The following LIPC variants were observed in gnomAD, a reference collection of about 807,000 sequenced individuals.
LIPC encodes the protein hepatic triacylglycerol lipase.
Under a neutral mutation model 50.7 loss-of-function variants are expected in LIPC, and 44 were observed. The ratio of observed to expected loss-of-function variants is 0.87; its 90% CI spans 0.68 to 1.11. The LOEUF is 1.11. Ranked by LOEUF, LIPC falls within the 50% of genes most tolerant of loss-of-function variation. LIPC has a pLI of 0.00. For missense variants in LIPC, 697 were observed against 648.2 expected (o/e 1.08, Z -0.82); for synonymous variants, 271 against 256.4 (o/e 1.06, Z -0.54).
intron 1 of LIPC, among the ~76,000 whole-genome samples, chr15:58,503,794 T>C (rs1394277257): frequency 1.3e-5 from 2 of 152,028 alleles, no homozygotes; most frequent in South Asian, 2.1e-4. Flanking sequence ...GACACAGCAG[T>C]GGCAGAAACC....
chr15:58,434,391 G>A (rs1388148951), intron 1 of LIPC, among the ~76,000 whole-genome samples: 1 of 152,138 alleles, frequency 6.6e-6, no homozygotes, highest in East Asian at 1.9e-4. Context: ...CACCCAGCAT[G>A]TGCCAGGCAC....
At chr15:58,458,649 A>G (rs1894223145) in intron 1 of LIPC, among the ~76,000 whole-genome samples, 1 of 152,196 alleles carries the variant, frequency 6.6e-6, no homozygotes, top group Admixed American at 6.5e-5. Flanking sequence ...ACAGGGCTAA[A>G]TAACACTCTA....
chr15:58,479,962 A>G (rs925967547), intron 1 of LIPC, among the ~76,000 whole-genome samples: 1 of 152,200 alleles, frequency 6.6e-6, no homozygotes, highest in African/African-American at 2.4e-5. Flanking sequence ...AGTGCCTCCA[A>G]TCTAAGTTCC....
intron 1 of LIPC, among the ~76,000 whole-genome samples, chr15:58,485,150 T>C (rs1218307911): frequency 1.3e-5 from 2 of 152,162 alleles, no homozygotes; most frequent in African/African-American, 4.8e-5. Flanking sequence ...ACTGATCACT[T>C]GGGCTGACAT....
intron 1 of LIPC, among the ~76,000 whole-genome samples, chr15:58,475,140 T>C (rs1890948055): frequency 6.6e-6 from 1 of 152,158 alleles, no homozygotes; most frequent in Non-Finnish European, 1.5e-5. Flanking sequence ...GAAGTCCAGC[T>C]GGCTTTTTCT....
chr15:58,472,287 A>AG (rs1890838089), intron 1 of LIPC, among the ~76,000 whole-genome samples: 1 of 150,894 alleles, frequency 6.6e-6, no homozygotes, highest in Non-Finnish European at 1.5e-5. Flanking sequence ...AAAAAAAAAA[A>AG]AAAAAAGAAA....
At chr15:58,451,329 TG>T (rs2140673620) in intron 1 of LIPC, among the ~76,000 whole-genome samples, 1 of 152,334 alleles carries the variant, frequency 6.6e-6, no homozygotes, top group Admixed American at 6.5e-5. Context: ...AATTAACTTG[TG>T]GGGAATTTAT....
chr15:58,477,443 G>A (rs896850188), intron 1 of LIPC, among the ~76,000 whole-genome samples: 2 of 152,224 alleles, frequency 1.3e-5, no homozygotes, highest in Admixed American at 1.3e-4. Context: ...AGCACTGAGA[G>A]AGGGGAAGTG....
chr15:58,450,913 A>C (rs1264301906), intron 1 of LIPC, among the ~76,000 whole-genome samples: 1 of 152,204 alleles, frequency 6.6e-6, no homozygotes, highest in African/African-American at 2.4e-5. Context: ...GAGTTTCCTG[A>C]TGAATACTAG....
intron 1 of LIPC, among the ~76,000 whole-genome samples, chr15:58,460,971 G>C (rs772115379): frequency 2.0e-5 from 3 of 152,212 alleles, no homozygotes; most frequent in Non-Finnish European, 4.4e-5. Flanking sequence ...GCATGTAAGA[G>C]GGGTTTGTTT....
intron 2 of LIPC, among the ~76,000 whole-genome samples, chr15:58,539,520 T>C (rs2140908144): frequency 6.6e-6 from 1 of 152,286 alleles, no homozygotes; most frequent in Non-Finnish European, 1.5e-5. Context: ...GCCTCCCCAG[T>C]GTCTAGCCCA....
intron 1 of LIPC, among the ~76,000 whole-genome samples, chr15:58,483,276 T>C (rs1204631199): frequency 6.6e-6 from 1 of 152,096 alleles, no homozygotes; most frequent in African/African-American, 2.4e-5. Context: ...GTCACAGGGA[T>C]TAAGAAATGA....
rs374328131 is a variant in LIPC, at chr15:58,545,754, C to T, written c.587C>T (p.Ala196Val). The T allele has an allele frequency of 8.7e-6, 14 of 1,614,042 alleles. No homozygotes were observed. The highest frequency in any genetic ancestry group is 8.0e-5 in the African/African-American group (6 of 74,932). The change falls in exon 5 of 9, where the codon GCG becomes GTG. Residue 196 changes from alanine to valine, a missense_variant. Transcript: ENST00000299022. ...KIGRITGLDAAGPLFEGSAPS... is the reference protein window; with the variant it reads ...KIGRITGLDAVGPLFEGSAPS... ...GCTTTCCCATTAGGGCTGGATGCCGCGGGACCTTTGTTTGAGGGAAGTGCC... is the reference window on the plus strand; with the variant it reads ...GCTTTCCCATTAGGGCTGGATGCCGTGGGACCTTTGTTTGAGGGAAGTGCC...
intron 1 of LIPC, among the ~76,000 whole-genome samples, chr15:58,524,899 T>C (rs1892757078): frequency 6.6e-6 from 1 of 152,190 alleles, no homozygotes; most frequent in African/African-American, 2.4e-5. Context: ...TTTAATTTAG[T>C]TGGTCATACA....
At chr15:58,517,565 A>AGGGAT (rs1892523074) in intron 1 of LIPC, among the ~76,000 whole-genome samples, 1 of 152,206 alleles carries the variant, frequency 6.6e-6, no homozygotes, top group Admixed American at 6.5e-5. Context: ...AGAGAATTGC[A>AGGGAT]GGGATGTTTG....
chr15:58,532,771 C>A (rs1892997653), intron 1 of LIPC, among the ~76,000 whole-genome samples: 1 of 152,202 alleles, frequency 6.6e-6, no homozygotes, highest in Non-Finnish European at 1.5e-5. Context: ...AGGTGCCCCA[C>A]CTCAATTGCC....
intron 1 of LIPC, chr15:58,432,437 C>T (rs1394250850): frequency 3.4e-5 from 13 of 380,110 alleles, no homozygotes; most frequent in South Asian, 1.5e-4. Context: ...CGATTCAGAT[C>T]TTCCTGAGAG....
chr15:58,525,455 C>T (rs1430178121), intron 1 of LIPC, among the ~76,000 whole-genome samples: 1 of 152,216 alleles, frequency 6.6e-6, no homozygotes, highest in Non-Finnish European at 1.5e-5. Context: ...TGGGGCTCTC[C>T]TTGCTCACTG....
At chr15:58,555,462 G>A (rs1439186457) in intron 6 of LIPC, among the ~76,000 whole-genome samples, 2 of 152,198 alleles carry the variant, frequency 1.3e-5, no homozygotes, top group African/African-American at 4.8e-5. Flanking sequence ...GACTCAGCTT[G>A]CAGAACGAAA....
Sources: allele counts gnomAD v4.1 joint callset (sites outside exome capture counted in the v4.1 genomes callset), GRCh38; gene constraint gnomAD v4.1.1; transcripts MANE v1.5; gene names NCBI Gene and HGNC (gene_info 2026-07-23, HGNC 2026-07-21).